The following ARID4A variants were observed in gnomAD, a reference collection of about 807,000 sequenced individuals.
ARID4A encodes AT-rich interaction domain 4A.
Under a neutral mutation model 148.6 loss-of-function variants are expected in ARID4A, and 39 were observed. The ratio of observed to expected loss-of-function variants is 0.26; its 90% CI spans 0.20 to 0.34. The LOEUF is 0.34. ARID4A is among the 10% of genes least tolerant of loss of function. The pLI is 1.00. For synonymous variants in ARID4A, 475 were observed against 481.2 expected, an observed-to-expected ratio of 0.99 and a Z score of 0.17; for missense variants, 1,265 against 1,449.1, an observed-to-expected ratio of 0.87 and a Z score of 2.06.
At chr14:58,334,214 G>A (rs968418486) in intron 11 of ARID4A, among the ~76,000 whole-genome samples, 2 of 152,132 alleles carry the variant, frequency 1.3e-5, no homozygotes, top group East Asian at 3.9e-4. Flanking sequence ...TTTTATAGTT[G>A]TGGTCATATG....
intron 23 of ARID4A, among the ~76,000 whole-genome samples, chr14:58,371,552 G>A (rs535223560): frequency 6.6e-6 from 1 of 152,248 alleles, no homozygotes; most frequent in Non-Finnish European, 1.5e-5. Context: ...AATTCCATAT[G>A]GTTCCATGTT....
At chr14:58,305,969 G>T (rs1167437044) in intron 4 of ARID4A, 53 bp from the exon 5 acceptor site, 1 of 1,294,572 alleles carries the variant, frequency 7.7e-7, no homozygotes, top group Non-Finnish European at 1.1e-6. Context: ...TGGTGGGAGT[G>T]ATTTGGTTTA....
intron 17 of ARID4A, among the ~76,000 whole-genome samples, chr14:58,355,419 A>G (rs1371152220): frequency 1.3e-5 from 2 of 152,216 alleles, no homozygotes; most frequent in African/African-American, 4.8e-5. Context: ...TACCTACAAT[A>G]AAGTTTAATG....
chr14:58,371,066 G>A (rs963028814), intron 23 of ARID4A, among the ~76,000 whole-genome samples: 1 of 152,144 alleles, frequency 6.6e-6, no homozygotes, highest in African/African-American at 2.4e-5. Flanking sequence ...GGAGCAGGAA[G>A]ATCACTTGAG....
intron 19 of ARID4A, 88 bp downstream of exon 19, chr14:58,361,130 T>TA (rs1040419860): frequency 4.3e-5 from 64 of 1,473,342 alleles, no homozygotes; most frequent in South Asian, 2.8e-4. Context: ...TGGCTGACTT[T>TA]AAAAAAAATC....
chr14:58,370,759 C>T (rs1347816513), intron 23 of ARID4A, among the ~76,000 whole-genome samples: 1 of 140,404 alleles, frequency 7.1e-6, no homozygotes, highest in Non-Finnish European at 1.6e-5. Context: ...ACAGTGCCTG[C>T]CACCACACCC....
chr14:58,365,965 C>T lies in ARID4A; in HGVS notation c.3317-59C>T, dbSNP rs1167553356. On this transcript the variant is annotated intron_variant, in intron 21 of 23. Transcript: ENST00000355431. ...AGAAATGTAATTGTTAGGTCTGTTG[C>T]ATTTTGATATTTAAGAATTTTATTT... 4 of 1,367,762 alleles carry T rather than the reference C, an allele frequency of 2.9e-6. No individual in the cohort carries two copies. The African/African-American group carries it at 4.4e-5, about 15-fold the overall frequency. 84.7% of individuals were successfully genotyped at this position (1,367,762 alleles called of 1,614,324 possible). A position where few individuals can be genotyped will look rare whatever the true frequency, so the allele number is the denominator to read the frequency against.
At chr14:58,302,816 C>T (rs896197450) in intron 3 of ARID4A, among the ~76,000 whole-genome samples, 1 of 150,756 alleles carries the variant, frequency 6.6e-6, no homozygotes, top group East Asian at 2.0e-4. Flanking sequence ...AAGTATTAGC[C>T]AGGTGTGGTG....
intron 2 of ARID4A, among the ~76,000 whole-genome samples, chr14:58,300,367 A>G (rs373630139): frequency 6.6e-6 from 1 of 151,284 alleles, no homozygotes; most frequent in Non-Finnish European, 1.5e-5. Context: ...ATTTTAAAAC[A>G]TATACTAAAA....
In ARID4A at chr14:58,367,044, AT is replaced by A; in HGVS notation, c.3670+20del. On this transcript the variant is annotated intron_variant, in intron 23 of 23. Coordinates refer to ENST00000355431, the MANE Select transcript of ARID4A (RefSeq NM_002892.4). Reference sequence around the variant, plus strand: ...AGACAGGGAAGGTAATTTTATTATGATTTTTCTCCCCTTATATTTCAAAACT... The same window carrying A: ...AGACAGGGAAGGTAATTTTATTATGATTTTCTCCCCTTATATTTCAAAACT... 1 of 1,460,606 alleles carries A rather than the reference AT, an allele frequency of 6.8e-7. No homozygotes were observed. Among genetic ancestry groups the A allele is most frequent in the Non-Finnish European group, 9.0e-7 (1 of 1,108,112 alleles). 90.5% of individuals were successfully genotyped at this position (1,460,606 alleles called of 1,614,324 possible). A position where few individuals can be genotyped will look rare whatever the true frequency, so the allele number is the denominator to read the frequency against.
At chr14:58,356,178 A>G (rs2034856413) in intron 17 of ARID4A, among the ~76,000 whole-genome samples, 1 of 152,212 alleles carries the variant, frequency 6.6e-6, no homozygotes, top group African/African-American at 2.4e-5. Context: ...TATTAGTGCT[A>G]GAAGTACCTA....
intron 2 of ARID4A, among the ~76,000 whole-genome samples, chr14:58,300,780 C>T (rs552913391): frequency 1.4e-5 from 2 of 148,118 alleles, no homozygotes; most frequent in Admixed American, 6.8e-5. Context: ...TTAAGTTGAA[C>T]TTGTATGGAT....
intron 11 of ARID4A, among the ~76,000 whole-genome samples, chr14:58,331,112 C>T (rs907969369): frequency 8.5e-5 from 13 of 152,194 alleles, no homozygotes; most frequent in East Asian, 3.9e-4. Context: ...GAAGGGCATA[C>T]GCTATTTCTT....
chr14:58,307,867 A>G (rs1467728298), intron 5 of ARID4A, among the ~76,000 whole-genome samples: 9 of 152,234 alleles, frequency 5.9e-5, no homozygotes, highest in Admixed American at 5.9e-4. Flanking sequence ...GAGATTAAGT[A>G]AATACATCTT....
intron 11 of ARID4A, among the ~76,000 whole-genome samples, chr14:58,334,912 C>T (rs551762340): frequency 6.6e-6 from 1 of 152,280 alleles, no homozygotes; most frequent in Non-Finnish European, 1.5e-5. Flanking sequence ...CTTCAGACAA[C>T]CTCTGTGCTT....
At chr14:58,323,283 C>G (rs1469048258) in intron 7 of ARID4A, among the ~76,000 whole-genome samples, 1 of 152,038 alleles carries the variant, frequency 6.6e-6, no homozygotes, top group African/African-American at 2.4e-5. Flanking sequence ...GAAGTGGACT[C>G]AGAGTTACCA....
At chr14:58,347,964 T>A (rs1566707619) in intron 15 of ARID4A, 86 bp downstream of exon 15, 4 of 883,248 alleles carry the variant, frequency 4.5e-6, no homozygotes, top group Non-Finnish European at 6.7e-6. Flanking sequence ...ACAAAAGTAC[T>A]ACAGTGAACC....
intron 16 of ARID4A, 103 bp from the exon 17 acceptor site, chr14:58,353,546 TGTTATTAAG>T (rs1336701742): frequency 1.0e-5 from 9 of 879,634 alleles, no homozygotes; most frequent in African/African-American, 1.7e-5. Context: ...TCCACTGATA[TGTTATTAAG>T]GTAATACTTA....
chr14:58,373,314 G>GT lies in ARID4A; in HGVS notation c.*1326dup, dbSNP rs2140286402. ...TTGTAAATAATTCTTCCAAAATCAT[G>GT]TATTTAAAGCAGTTTTGCATATACA... On this transcript the variant is annotated 3_prime_UTR_variant, in exon 24 of 24. Coordinates refer to ENST00000355431, the MANE Select transcript of ARID4A (RefSeq NM_002892.4). 5.2e-6 allele frequency: 1 copy of GT among 191,902 alleles called. No individual in the cohort carries two copies. Among genetic ancestry groups the GT allele is most frequent in the Non-Finnish European group, 1.1e-5 (1 of 91,528 alleles). 11.9% of individuals were successfully genotyped at this position (191,902 alleles called of 1,614,324 possible). A position where few individuals can be genotyped will look rare whatever the true frequency, so the allele number is the denominator to read the frequency against.
Sources: gnomAD v4.1 joint callset for allele counts (sites outside exome capture counted in the v4.1 genomes callset) on GRCh38, gnomAD v4.1.1 for gene constraint, MANE v1.5 for transcripts, NCBI Gene and HGNC (gene_info 2026-07-23, HGNC 2026-07-21) for gene names.